The following PTPRD variants were observed in gnomAD, a reference collection of about 807,000 sequenced individuals.
PTPRD encodes protein tyrosine phosphatase receptor type D, also known as receptor-type tyrosine-protein phosphatase delta.
A neutral mutation model predicts 214.5 loss-of-function variants in PTPRD; 34 were observed. The observed-to-expected ratio is 0.16, with a 90% CI of 0.12 to 0.21. The LOEUF (loss-of-function observed/expected upper bound fraction) is 0.21. PTPRD is among the 10% of genes least tolerant of loss of function. The pLI, the probability that PTPRD is intolerant of heterozygous loss-of-function variation, is 1.00. For missense variants in PTPRD, 2,545 were observed against 2,398.7 expected (o/e 1.06, Z -1.27); for synonymous variants, 1,128 against 845.7 (o/e 1.33, Z -5.79).
chr9:10,062,463 G>C (rs930860116), intron 3 of PTPRD, among the ~76,000 whole-genome samples: 1 of 152,052 alleles, frequency 6.6e-6, no homozygotes, highest in Admixed American at 6.6e-5. Flanking sequence ...AAAAATAGCT[G>C]GGCGTGGTGG....
intron 9 of PTPRD, among the ~76,000 whole-genome samples, chr9:9,311,495 A>C (rs553956100): frequency 6.6e-6 from 1 of 152,302 alleles, no homozygotes; most frequent in African/African-American, 2.4e-5. Flanking sequence ...TAAGTTTTGA[A>C]GGTCTAATAA....
intron 5 of PTPRD, among the ~76,000 whole-genome samples, chr9:9,936,855 GA>G: frequency 7.0e-6 from 1 of 143,780 alleles, no homozygotes; most frequent in African/African-American, 2.7e-5. Flanking sequence ...ACTGGATTAA[GA>G]AAATGTGGCA....
intron 2 of PTPRD, among the ~76,000 whole-genome samples, chr9:10,392,559 G>T (rs185995520): frequency 1.7e-3 from 256 of 151,870 alleles, no homozygotes; most frequent in Middle Eastern, 3.4e-3. Context: ...AATGTAAAAA[G>T]GAATAAAAAC....
chr9:9,838,388 G>C (rs941250649), intron 5 of PTPRD, among the ~76,000 whole-genome samples: 23 of 152,026 alleles, frequency 1.5e-4, no homozygotes, highest in African/African-American at 4.8e-4. Context: ...CCCACCAACA[G>C]TGTAAAAGTG....
At chr9:10,148,556 T>C (rs755742022) in intron 3 of PTPRD, among the ~76,000 whole-genome samples, 13 of 152,202 alleles carry the variant, frequency 8.5e-5, no homozygotes, top group Non-Finnish European at 1.6e-4. Flanking sequence ...TACTATGGAA[T>C]ACTGATTCAA....
At chr9:9,387,665 T>C (rs1208687721) in intron 9 of PTPRD, among the ~76,000 whole-genome samples, 1 of 152,092 alleles carries the variant, frequency 6.6e-6, no homozygotes, top group Non-Finnish European at 1.5e-5. Context: ...AAAGTGATAG[T>C]ACATGCTATT....
At chr9:10,353,149 C>CTA (rs1298570433) in intron 2 of PTPRD, among the ~76,000 whole-genome samples, 1 of 151,928 alleles carries the variant, frequency 6.6e-6, no homozygotes, top group Non-Finnish European at 1.5e-5. Flanking sequence ...ATAATCATCT[C>CTA]TATATACTCG....
intron 11 of PTPRD, among the ~76,000 whole-genome samples, chr9:8,940,588 C>G (rs2099027469): frequency 6.6e-6 from 1 of 151,668 alleles, no homozygotes; most frequent in South Asian, 2.1e-4. Context: ...GCCACCGCAC[C>G]CAGCCTGCAC....
chr9:9,630,056 G>T (rs1412179006), intron 7 of PTPRD, among the ~76,000 whole-genome samples: 1 of 152,172 alleles, frequency 6.6e-6, no homozygotes, highest in Non-Finnish European at 1.5e-5. Context: ...ACTCTAGGAG[G>T]AGGACACAGG....
At chr9:9,629,075 G>A (rs1452527043) in intron 7 of PTPRD, among the ~76,000 whole-genome samples, 1 of 151,748 alleles carries the variant, frequency 6.6e-6, no homozygotes, top group Non-Finnish European at 1.5e-5. Flanking sequence ...TCAGGAGGCT[G>A]AGGCAGGAGA....
At chr9:8,962,734 C>A (rs1487864321) in intron 11 of PTPRD, 1 of 152,070 alleles carries the variant, frequency 6.6e-6, no homozygotes, top group Admixed American at 6.6e-5. Context: ...AAATTCATCT[C>A]TTTTATGGGG....
intron 2 of PTPRD, among the ~76,000 whole-genome samples, chr9:10,476,817 G>C (rs564311942): frequency 2.0e-5 from 3 of 152,074 alleles, no homozygotes; most frequent in South Asian, 2.1e-4. Context: ...CAGAATAGAA[G>C]TCTCAGAAAT....
At chr9:9,549,735 T>C (rs1334323176) in intron 8 of PTPRD, among the ~76,000 whole-genome samples, 3 of 152,104 alleles carry the variant, frequency 2.0e-5, no homozygotes, top group Non-Finnish European at 4.4e-5. Flanking sequence ...TGAACATACA[T>C]AGACCAAACA....
chr9:8,745,887 T>G (rs1252674508), intron 11 of PTPRD, among the ~76,000 whole-genome samples: 1 of 151,912 alleles, frequency 6.6e-6, no homozygotes, highest in Non-Finnish European at 1.5e-5. Flanking sequence ...AGCCTGGAAA[T>G]CCTGGGCTCA....
intron 2 of PTPRD, among the ~76,000 whole-genome samples, chr9:10,486,748 C>G (rs1037955036): frequency 3.3e-5 from 5 of 152,112 alleles, no homozygotes; most frequent in Non-Finnish European, 5.9e-5. Flanking sequence ...GAGAATGATT[C>G]ATGTGCTGAG....
intron 12 of PTPRD, among the ~76,000 whole-genome samples, chr9:8,729,516 A>G (rs1416586955): frequency 1.3e-5 from 2 of 152,214 alleles, no homozygotes; most frequent in Non-Finnish European, 2.9e-5. Flanking sequence ...TTGTTGAATA[A>G]TGATATAATA....
At chr9:8,493,575 A>C (rs2097193682) in intron 26 of PTPRD, among the ~76,000 whole-genome samples, 1 of 152,044 alleles carries the variant, frequency 6.6e-6, no homozygotes, top group African/African-American at 2.4e-5. Flanking sequence ...TTTTCTTAGG[A>C]CTCTCTTATT....
At chr9:9,551,380 G>A (rs10977844) in intron 8 of PTPRD, among the ~76,000 whole-genome samples, 6 of 151,906 alleles carry the variant, frequency 3.9e-5, no homozygotes, top group South Asian at 4.2e-4. Flanking sequence ...TTATCTATTC[G>A]AATATTCTAG....
At chr9:9,146,427 G>T (rs1217539598) in intron 10 of PTPRD, among the ~76,000 whole-genome samples, 1 of 152,058 alleles carries the variant, frequency 6.6e-6, no homozygotes, top group East Asian at 1.9e-4. Context: ...TCTCTGATGT[G>T]AGGCTCAGGA....
Sources: allele counts gnomAD v4.1 joint callset (sites outside exome capture counted in the v4.1 genomes callset), GRCh38; gene constraint gnomAD v4.1.1; transcripts MANE v1.5; gene names NCBI Gene and HGNC (gene_info 2026-07-23, HGNC 2026-07-21).